Variants in FOXP1 observed in about 807,000 individuals in gnomAD.
The protein encoded by FOXP1 is forkhead box protein P1.
FOXP1 carries 15 observed loss-of-function variants against 98.2 expected under a neutral mutation model. The observed-to-expected ratio is 0.15, with a 90% confidence interval of 0.10 to 0.24. The LOEUF (loss-of-function observed/expected upper bound fraction) is 0.24. Among genes scored for constraint, FOXP1 ranks in the 10% least tolerant of loss-of-function variants. The probability of loss-of-function intolerance (pLI) is 1.00; values close to 1 mark genes in which losing one functional copy is unlikely to be tolerated. For synonymous variants in FOXP1, 371 were observed against 314.5 expected (o/e 1.18, Z -1.90); for missense variants, 633 against 848.5 (o/e 0.75, Z 3.15).
chr3:71,125,759 A>G (rs370869591), intron 6 of FOXP1, among the ~76,000 whole-genome samples: 7 of 152,358 alleles, frequency 4.6e-5, no homozygotes, highest in Admixed American at 6.5e-5. Context: ...CCCTGAGAGA[A>G]TAACAGAAAT....
intron 3 of FOXP1, among the ~76,000 whole-genome samples, chr3:71,363,109 G>C (rs573944052): frequency 6.7e-6 from 1 of 149,774 alleles, no homozygotes. Context: ...ATATAATCAT[G>C]ATGTAAATGA....
At chr3:71,532,132 CTG>C (rs1339267709) in intron 2 of FOXP1, among the ~76,000 whole-genome samples, 1 of 152,212 alleles carries the variant, frequency 6.6e-6, no homozygotes, top group African/African-American at 2.4e-5. Flanking sequence ...CAGGGTCTCA[CTG>C]TGTTGCCCAG....
chr3:71,126,769 G>A (rs1383321077), intron 6 of FOXP1, among the ~76,000 whole-genome samples: 2 of 150,456 alleles, frequency 1.3e-5, no homozygotes, highest in Admixed American at 6.6e-5. Context: ...GGCTGCAGTC[G>A]GCTGAGATAG....
intron 1 of FOXP1, 76 bp from the exon 2 acceptor site, chr3:71,581,773 G>C: frequency 3.0e-6 from 3 of 985,812 alleles, no homozygotes; most frequent in Non-Finnish European, 3.6e-6. Context: ...AAGGGGACGG[G>C]ACGGGTGAGT....
At chr3:71,391,934 GCAGGAAAGA>G (rs1472235905) in intron 3 of FOXP1, among the ~76,000 whole-genome samples, 2 of 152,168 alleles carry the variant, frequency 1.3e-5, no homozygotes, top group African/African-American at 4.8e-5. Context: ...ACAGGGTAAA[GCAGGAAAGA>G]CAGCTCACGG....
chr3:71,288,974 T>A (rs1203856214), intron 5 of FOXP1, among the ~76,000 whole-genome samples: 5 of 152,206 alleles, frequency 3.3e-5, no homozygotes, highest in Admixed American at 3.3e-4. Context: ...TGTCATCATC[T>A]TTTTTGACCA....
At chr3:71,449,922 T>TA (rs1167214587) in intron 3 of FOXP1, among the ~76,000 whole-genome samples, 1 of 152,184 alleles carries the variant, frequency 6.6e-6, no homozygotes, top group Non-Finnish European at 1.5e-5. Context: ...AATAAAAGTT[T>TA]AAAAAATCTC....
intron 12 of FOXP1, among the ~76,000 whole-genome samples, chr3:71,012,092 T>G (rs1469376127): frequency 6.6e-6 from 1 of 152,154 alleles, no homozygotes; most frequent in Non-Finnish European, 1.5e-5. Flanking sequence ...TCATTTCCCT[T>G]TCTGACTCTG....
intron 5 of FOXP1, among the ~76,000 whole-genome samples, chr3:71,232,630 G>A (rs1432061054): frequency 6.6e-6 from 1 of 152,002 alleles, no homozygotes; most frequent in Non-Finnish European, 1.5e-5. Flanking sequence ...TGGGTGTGGT[G>A]GCTCATGCCT....
chr3:71,167,498 GATT>G (rs990832738), intron 6 of FOXP1, among the ~76,000 whole-genome samples: 1 of 152,098 alleles, frequency 6.6e-6, no homozygotes, highest in Admixed American at 6.5e-5. Flanking sequence ...TATTATTATT[GATT>G]ATTATTATTT....
At chr3:71,109,354 G>A (rs571215330) in intron 7 of FOXP1, among the ~76,000 whole-genome samples, 5 of 151,860 alleles carry the variant, frequency 3.3e-5, no homozygotes, top group East Asian at 3.9e-4. Context: ...ACCAGAGAGC[G>A]CTGCCAAACA....
At chr3:71,308,980 T>G (rs2074500090) in intron 4 of FOXP1, among the ~76,000 whole-genome samples, 1 of 152,136 alleles carries the variant, frequency 6.6e-6, no homozygotes, top group African/African-American at 2.4e-5. Context: ...TAACAGCAAT[T>G]CTACCAAATG....
intron 6 of FOXP1, among the ~76,000 whole-genome samples, chr3:71,157,674 G>C (rs988121342): frequency 6.6e-6 from 1 of 152,182 alleles, no homozygotes; most frequent in African/African-American, 2.4e-5. Context: ...ATACCAGGTT[G>C]TTCCTTCACT....
intron 2 of FOXP1, among the ~76,000 whole-genome samples, chr3:71,520,527 G>T (rs1432611): frequency 0.32 from 48,083 of 152,064 alleles, 8,813 homozygotes; most frequent in Non-Finnish European, 0.42. Flanking sequence ...ATCTTTACAA[G>T]GATATAAGGG....
At chr3:71,034,215 G>C (rs1245294864) in intron 11 of FOXP1, among the ~76,000 whole-genome samples, 3 of 152,180 alleles carry the variant, frequency 2.0e-5, no homozygotes, top group Non-Finnish European at 4.4e-5. Context: ...TGAAAAGATA[G>C]GTCTGGCCCC....
chr3:71,443,499 C>T (rs1251679302), intron 3 of FOXP1, among the ~76,000 whole-genome samples: 1 of 152,198 alleles, frequency 6.6e-6, no homozygotes, highest in African/African-American at 2.4e-5. Flanking sequence ...CTCCAGGTGA[C>T]CCTGATGCAC....
At chr3:71,530,249 T>C (rs917563184) in intron 2 of FOXP1, among the ~76,000 whole-genome samples, 8 of 152,162 alleles carry the variant, frequency 5.3e-5, no homozygotes, top group Non-Finnish European at 1.0e-4. Flanking sequence ...AATGGATTAA[T>C]GTTGTCACCT....
chr3:71,508,723 C>A (rs190383368), intron 2 of FOXP1, among the ~76,000 whole-genome samples: 2 of 152,264 alleles, frequency 1.3e-5, no homozygotes, highest in East Asian at 3.9e-4. Context: ...CGTAATAGAT[C>A]CTACAACCAC....
intron 19 of FOXP1, 162 bp from the exon 20 acceptor site, chr3:70,966,218 C>A (rs2034734026): frequency 2.9e-6 from 2 of 695,094 alleles, no homozygotes; most frequent in Admixed American, 2.1e-5. Flanking sequence ...TTAAAAACGA[C>A]TCGTGGCACC....
Sources: allele counts gnomAD v4.1 joint callset (sites outside exome capture counted in the v4.1 genomes callset), GRCh38; gene constraint gnomAD v4.1.1; transcripts MANE v1.5; gene names NCBI Gene and HGNC (gene_info 2026-07-23, HGNC 2026-07-21).